Variants in ZBBX observed in about 807,000 individuals in gnomAD.
ZBBX encodes the protein zinc finger B-box domain containing.
Under a neutral mutation model 108.5 loss-of-function variants are expected in ZBBX, and 101 were observed. That is an observed-to-expected ratio of 0.93 (90% CI 0.79 to 1.10). ZBBX has a LOEUF of 1.10. Among genes scored for constraint, ZBBX ranks in the 50% least tolerant of loss-of-function variants. ZBBX has a pLI of 0.00. For synonymous variants in ZBBX, 356 were observed against 323.4 expected, an observed-to-expected ratio of 1.10 and a Z score of -1.08; for missense variants, 1,009 against 941.4, an observed-to-expected ratio of 1.07 and a Z score of -0.94.
At chr3:167,248,302 T>C in intron 20 of ZBBX, among the ~76,000 whole-genome samples, 1 of 152,210 alleles carries the variant, frequency 6.6e-6, no homozygotes, top group East Asian at 1.9e-4. Flanking sequence ...ACCACGCTAA[T>C]GGAACCTTTC....
intron 11 of ZBBX, among the ~76,000 whole-genome samples, 190 bp from the exon 12 acceptor site, chr3:167,322,427 A>G (rs1736600405): frequency 6.6e-6 from 1 of 152,036 alleles, no homozygotes; most frequent in Admixed American, 6.6e-5. Context: ...GACTGGATAG[A>G]CAGTTTTCTT....
At chr3:167,231,284 A>G in the ZBBX span, among the ~76,000 whole-genome samples, 2 of 151,832 alleles carry the variant, frequency 1.3e-5, no homozygotes, top group Non-Finnish European at 2.9e-5. Context: ...AGCAATAGTC[A>G]GAGGCTGTAA....
intron 20 of ZBBX, among the ~76,000 whole-genome samples, chr3:167,274,620 A>G (rs1296299906): frequency 6.6e-6 from 1 of 152,202 alleles, no homozygotes; most frequent in African/African-American, 2.4e-5. Context: ...CCTTGCCAAC[A>G]GTTACTGTAA....
intron 20 of ZBBX, among the ~76,000 whole-genome samples, chr3:167,249,055 C>CA (rs1399442011): frequency 2.0e-5 from 3 of 152,218 alleles, no homozygotes; most frequent in African/African-American, 7.2e-5. Context: ...TCACCACGCT[C>CA]AGCCTATACT....
intron 11 of ZBBX, 101 bp from the exon 12 acceptor site, chr3:167,322,338 G>C: frequency 1.0e-6 from 1 of 969,040 alleles, no homozygotes; most frequent in Non-Finnish European, 1.4e-6. Flanking sequence ...GGGCATATAT[G>C]CTTTAATATT....
chr3:167,279,672 C>T (rs1182765564), intron 20 of ZBBX, among the ~76,000 whole-genome samples: 1 of 151,964 alleles, frequency 6.6e-6, no homozygotes, highest in Non-Finnish European at 1.5e-5. Flanking sequence ...GCCATACTGC[C>T]CAAGGTAATT....
intron 17 of ZBBX, among the ~76,000 whole-genome samples, chr3:167,299,910 C>T (rs1732342902): frequency 6.6e-6 from 1 of 152,122 alleles, no homozygotes; most frequent in Non-Finnish European, 1.5e-5. Context: ...ATTATGATGG[C>T]CACTTTAGAA....
At chr3:167,237,288 T>A (rs1720270070), downstream of ZBBX, among the ~76,000 whole-genome samples, 1 of 151,836 alleles carries the variant, frequency 6.6e-6, no homozygotes, top group African/African-American at 2.4e-5. Flanking sequence ...TAAATAAAAT[T>A]TAATGTTAAT....
chr3:167,240,753 C>T lies in ZBBX; in HGVS notation c.*40G>A. On this transcript the variant is annotated 3_prime_UTR_variant, in exon 22 of 22. Transcript: ENST00000675490. ...TTACTTTTCTCAGTTGTTTGCTTTA[C>T]TCTGGGTACAAAATGGAAACAGTAA... The T allele has an allele frequency of 6.3e-7, 1 of 1,598,100 alleles. No individual in the cohort carries two copies. The highest frequency in any genetic ancestry group is 1.3e-5 in the African/African-American group (1 of 74,472).
chr3:167,302,668 T>C (rs80312775), intron 17 of ZBBX, among the ~76,000 whole-genome samples: 1,915 of 152,330 alleles, frequency 0.013, 43 homozygotes, highest in African/African-American at 0.044. Flanking sequence ...AAGCCTGTTA[T>C]AGTTTCATGG....
downstream of ZBBX, among the ~76,000 whole-genome samples, chr3:167,236,978 A>G (rs1720255474): frequency 6.6e-6 from 1 of 151,906 alleles, no homozygotes; most frequent in Non-Finnish European, 1.5e-5. Context: ...GACTTAAGAG[A>G]TGAGAAATAG....
chr3:167,329,877 G>A (rs149209077), intron 10 of ZBBX, among the ~76,000 whole-genome samples: 1 of 152,268 alleles, frequency 6.6e-6, no homozygotes, highest in Non-Finnish European at 1.5e-5. Context: ...TTATAAAATA[G>A]TGTGTTTGGC....
At chr3:167,358,204 T>TA (rs1187658482) in intron 8 of ZBBX, among the ~76,000 whole-genome samples, 3 of 151,630 alleles carry the variant, frequency 2.0e-5, no homozygotes, top group Non-Finnish European at 2.9e-5. Context: ...AAAAAAATAA[T>TA]AAAAAAAGAA....
intron 1 of ZBBX, among the ~76,000 whole-genome samples, chr3:167,385,553 AT>A (rs1448492103): frequency 2.6e-5 from 4 of 151,992 alleles, no homozygotes; most frequent in South Asian, 2.1e-4. Flanking sequence ...TAAACTTATA[AT>A]TTTTTTAAAC....
At chr3:167,226,221 C>T in the ZBBX span, among the ~76,000 whole-genome samples, 1 of 151,730 alleles carries the variant, frequency 6.6e-6, no homozygotes, top group African/African-American at 2.4e-5. Flanking sequence ...TGTGTGATTC[C>T]TTTCTGCAAG....
chr3:167,344,996 C>A (rs1741193092), intron 9 of ZBBX, among the ~76,000 whole-genome samples: 1 of 151,822 alleles, frequency 6.6e-6, no homozygotes. Flanking sequence ...TTTGTTAACC[C>A]TTCACTGATA....
At chr3:167,348,373 A>AAGAAAGAAAGAAAGAAAAG (rs1553833149) in intron 9 of ZBBX, among the ~76,000 whole-genome samples, 7 of 139,534 alleles carry the variant, frequency 5.0e-5, no homozygotes, top group Non-Finnish European at 9.4e-5. Flanking sequence ...AGAAAGAAAA[A>AAGAAAGAAAGAAAGAAAAG]AAAGAAAAGA....
At chr3:167,210,104 T>C in the ZBBX span, among the ~76,000 whole-genome samples, 1 of 151,772 alleles carries the variant, frequency 6.6e-6, no homozygotes, top group Non-Finnish European at 1.5e-5. Flanking sequence ...TAAAATAAAA[T>C]AAAATAAATA....
chr3:167,213,935 A>G, the ZBBX span, among the ~76,000 whole-genome samples: 1 of 152,190 alleles, frequency 6.6e-6, no homozygotes, highest in Non-Finnish European at 1.5e-5. Flanking sequence ...CAGCCAAACT[A>G]AGTTTCCTAA....
Sources: allele counts gnomAD v4.1 joint callset (sites outside exome capture counted in the v4.1 genomes callset), GRCh38; gene constraint gnomAD v4.1.1; transcripts MANE v1.5; gene names NCBI Gene and HGNC (gene_info 2026-07-23, HGNC 2026-07-21).